FLRT2: variants seen among roughly 807,000 people sequenced by gnomAD.
The protein encoded by FLRT2 is leucine-rich repeat transmembrane protein FLRT2.
FLRT2 carries 15 observed loss-of-function variants against 40.0 expected under a neutral mutation model. The observed-to-expected ratio is 0.38, with a 90% confidence interval of 0.25 to 0.58. The LOEUF (loss-of-function observed/expected upper bound fraction) is 0.58, where lower values mean the gene tolerates loss of function less well. FLRT2 is among the 20% of genes least tolerant of loss of function. The probability of loss-of-function intolerance (pLI) is 0.71; values close to 1 mark genes in which losing one functional copy is unlikely to be tolerated. For synonymous variants in FLRT2, 380 were observed against 336.8 expected, an observed-to-expected ratio of 1.13 and a Z score of -1.41; for missense variants, 726 against 840.0, an observed-to-expected ratio of 0.86 and a Z score of 1.68.
At chr14:85,572,349 G>C (rs1231446589) in intron 1 of FLRT2, among the ~76,000 whole-genome samples, 4 of 152,102 alleles carry the variant, frequency 2.6e-5, no homozygotes, top group African/African-American at 9.7e-5. Flanking sequence ...CTATTCATCA[G>C]GAGCTGCCGT....
chr14:85,578,162 TTA>T, intron 1 of FLRT2, among the ~76,000 whole-genome samples: 1 of 140,880 alleles, frequency 7.1e-6, no homozygotes, highest in South Asian at 2.3e-4. Flanking sequence ...AAAAATATCT[TTA>T]TATATAAAAA....
chr14:85,586,732 GA>G (rs1032246836), intron 1 of FLRT2, among the ~76,000 whole-genome samples: 5 of 151,424 alleles, frequency 3.3e-5, no homozygotes, highest in Non-Finnish European at 5.9e-5. Flanking sequence ...AAGTAAAAAG[GA>G]AAAAATAAAA....
intron 1 of FLRT2, among the ~76,000 whole-genome samples, chr14:85,576,041 G>A (rs774947314): frequency 2.0e-4 from 30 of 152,088 alleles, no homozygotes; most frequent in Non-Finnish European, 3.2e-4. Flanking sequence ...GCACTAACTC[G>A]TTAAGAGATT....
chr14:85,553,009 A>G (rs756513990), intron 1 of FLRT2, among the ~76,000 whole-genome samples: 2 of 152,142 alleles, frequency 1.3e-5, no homozygotes, highest in East Asian at 3.8e-4. Flanking sequence ...AATTTTAACT[A>G]TGGGATTTTT....
intron 1 of FLRT2, among the ~76,000 whole-genome samples, chr14:85,620,171 G>T (rs1893316589): frequency 6.6e-6 from 1 of 152,122 alleles, no homozygotes; most frequent in Non-Finnish European, 1.5e-5. Context: ...AAAGAAAAAA[G>T]TCTCTCTGCC....
chr14:85,539,656 A>G (rs370361645), intron 1 of FLRT2, among the ~76,000 whole-genome samples: 7 of 152,302 alleles, frequency 4.6e-5, no homozygotes, highest in Non-Finnish European at 8.8e-5. Context: ...ACAGAGTTCA[A>G]CAGAGTTGTT....
chr14:85,569,936 T>C (rs533451519), intron 1 of FLRT2, among the ~76,000 whole-genome samples: 1 of 152,322 alleles, frequency 6.6e-6, no homozygotes, highest in South Asian at 2.1e-4. Flanking sequence ...ATTTGTAAGA[T>C]GTTGGTATGG....
chr14:85,647,103 C>T lies in FLRT2; in HGVS notation c.*23606C>T, dbSNP rs1333550705. 2 of 152,146 alleles carry T rather than the reference C, an allele frequency of 1.3e-5. No homozygotes were observed. Among genetic ancestry groups the T allele is most frequent in the Non-Finnish European group, 2.9e-5 (2 of 68,040 alleles). The allele number at this position is 152,146 out of a possible 1,614,324, so 9.4% of individuals were successfully genotyped here. A position where few individuals can be genotyped will look rare whatever the true frequency, so the allele number is the denominator to read the frequency against. ...CTAATGTGCAACTGATCCACAACCT[C>T]ATACAATTTTAGTATCTCATATGCT... On this transcript the variant is annotated 3_prime_UTR_variant, in exon 2 of 2. Transcript: ENST00000330753.
chr14:85,540,221 C>T (rs903752183), intron 1 of FLRT2, among the ~76,000 whole-genome samples: 1 of 152,090 alleles, frequency 6.6e-6, no homozygotes, highest in South Asian at 2.1e-4. Context: ...ATAAGGCAGG[C>T]TAGTGCAAAA....
rs1244012063 is a variant in FLRT2 at position 85,647,705 on chromosome 14, G to A, written c.*24208G>A. 6.6e-6 allele frequency: 1 copy of A among 152,068 alleles called. No individual in the cohort carries two copies. Among genetic ancestry groups the A allele is most frequent in the Admixed American group, 6.6e-5 (1 of 15,254 alleles). 9.4% of individuals were successfully genotyped at this position (152,068 alleles called of 1,614,324 possible). On this transcript the variant is annotated 3_prime_UTR_variant, in exon 2 of 2. Coordinates refer to ENST00000330753, the MANE Select transcript of FLRT2 (RefSeq NM_013231.6). ...TGTATGGGACCCAGGGAATTTTACA[G>A]AAACATCTCTAAGAACTTCCATGCT...
chr14:85,585,783 GC>G, intron 1 of FLRT2, among the ~76,000 whole-genome samples: 1 of 151,958 alleles, frequency 6.6e-6, no homozygotes, highest in Non-Finnish European at 1.5e-5. Context: ...AGCTACAAGG[GC>G]CCTTGCGGCA....
At chr14:85,572,931 G>C (rs1363097505) in intron 1 of FLRT2, among the ~76,000 whole-genome samples, 1 of 152,104 alleles carries the variant, frequency 6.6e-6, no homozygotes, top group Non-Finnish European at 1.5e-5. Context: ...TCTCTCAAGA[G>C]AGAGTTTTTG....
At chr14:85,590,282 C>T (rs1038824944) in intron 1 of FLRT2, among the ~76,000 whole-genome samples, 10 of 152,034 alleles carry the variant, frequency 6.6e-5, no homozygotes, top group African/African-American at 2.2e-4. Context: ...CTTTGCTAGC[C>T]GTGTGACAGA....
intron 1 of FLRT2, among the ~76,000 whole-genome samples, chr14:85,548,172 C>A (rs1219097711): frequency 2.0e-5 from 3 of 152,166 alleles, no homozygotes; most frequent in Non-Finnish European, 4.4e-5. Context: ...GTGGCCTCAA[C>A]CTACTTCTGT....
rs1894210662 is a variant in FLRT2, at chr14:85,643,357, TCCTTCCTTCC to T, written c.*19861_*19870del. ...TTTCTTTCTTTCTTTCTTTCTTTCT[TCCTTCCTTCC>T]TTCCTTCCTTTCTTTCCTTTCTCCT... On this transcript the variant is annotated 3_prime_UTR_variant, in exon 2 of 2. Coordinates refer to ENST00000330753, the MANE Select transcript of FLRT2 (RefSeq NM_013231.6). 1 of 126,408 alleles carries T rather than the reference TCCTTCCTTCC, an allele frequency of 7.9e-6. No individual in the cohort carries two copies. Among genetic ancestry groups the T allele is most frequent in the Non-Finnish European group, 1.6e-5 (1 of 61,522 alleles). 7.8% of individuals were successfully genotyped at this position (126,408 alleles called of 1,614,324 possible).
Position 85,539,647 on chromosome 14 carries a change from C to A in FLRT2, c.-377+9113C>A, listed in dbSNP as rs537839991. Among the ~76,000 whole-genome samples the A allele has an allele frequency of 5.3e-5, 8 of 152,260 alleles. No individual in the cohort carries two copies. In the East Asian group the frequency reaches 1.2e-3, roughly 22 times the overall value. ...TCCTGGAGACTTAATTTCCTCTCTA[C>A]AGAGTTCAACAGAGTTGTTGAGAGG... On this transcript the variant is annotated intron_variant, in intron 1 of 1. Transcript: ENST00000330753.
intron 1 of FLRT2, among the ~76,000 whole-genome samples, chr14:85,595,985 A>C (rs1257934629): frequency 2.0e-5 from 3 of 152,088 alleles, no homozygotes; most frequent in African/African-American, 7.2e-5. Context: ...GCAGGTTTGG[A>C]GGTCTTTGAG....
Position 85,629,954 on chromosome 14 carries a change from G to T in FLRT2, c.*6457G>T, listed in dbSNP as rs541137738. 6.6e-6 allele frequency: 1 copy of T among 152,078 alleles called. No homozygotes were observed. Among genetic ancestry groups the T allele is most frequent in the African/African-American group, 2.4e-5 (1 of 41,412 alleles). The allele number at this position is 152,078 out of a possible 1,614,324, so 9.4% of individuals were successfully genotyped here. Reference sequence around the variant, plus strand: ...AATCAAGATATGTCTGTACCCATAGGGTGAGCTGAAAGAGCTACTAAAAGG... The same window carrying T: ...AATCAAGATATGTCTGTACCCATAGTGTGAGCTGAAAGAGCTACTAAAAGG... On this transcript the variant is annotated 3_prime_UTR_variant, in exon 2 of 2. Coordinates refer to ENST00000330753, the MANE Select transcript of FLRT2 (RefSeq NM_013231.6).
At chr14:85,600,767 G>A (rs1198227813) in intron 1 of FLRT2, among the ~76,000 whole-genome samples, 1 of 152,182 alleles carries the variant, frequency 6.6e-6, no homozygotes, top group African/African-American at 2.4e-5. Flanking sequence ...TAAAGGTGGA[G>A]TGGGAGCTTG....
Sources: gnomAD v4.1 joint callset for allele counts (sites outside exome capture counted in the v4.1 genomes callset) on GRCh38, gnomAD v4.1.1 for gene constraint, MANE v1.5 for transcripts, NCBI Gene and HGNC (gene_info 2026-07-23, HGNC 2026-07-21) for gene names.